Variants in CACNA1B observed in about 807,000 individuals in gnomAD.
The protein encoded by CACNA1B is calcium voltage-gated channel subunit alpha1 B.
Under a neutral mutation model 247.2 loss-of-function variants are expected in CACNA1B, and 70 were observed. The ratio of observed to expected loss-of-function variants is 0.28; its 90% CI spans 0.23 to 0.35. The LOEUF is 0.35. Ranked by LOEUF, CACNA1B falls within the 10% of genes least tolerant of loss-of-function variation. The probability of loss-of-function intolerance (pLI) is 1.00; values close to 1 mark genes in which losing one functional copy is unlikely to be tolerated. For missense variants in CACNA1B, 2,367 were observed against 3,197.4 expected (o/e 0.74, Z 6.26); for synonymous variants, 1,231 against 1,294.4 (o/e 0.95, Z 1.05).
intron 20 of CACNA1B, among the ~76,000 whole-genome samples, chr9:138,042,203 A>G (rs1389780721): frequency 6.6e-6 from 1 of 152,222 alleles, no homozygotes; most frequent in Non-Finnish European, 1.5e-5. Flanking sequence ...TAAGCCCAGC[A>G]GTTTGGGAGG....
Position 138,121,545 on chromosome 9 carries a change from A to T in CACNA1B, c.6566A>T (p.Gln2189Leu). ...ACCCCCGGCCGCGGTGGGCGGAGGC[A>T]GCTCCCCCAGACGCCCCTGACTCCC... ...ASTPGRGGRR[Q>L]LPQTPLTPRP... Residue 2189 changes from glutamine (Q) to leucine (L), a missense_variant, in exon 47 of 47, where the codon CAG becomes CTG. Physicochemically the swap from Gln to Leu is moderately radical, Grantham distance 113. Around this residue, in one of 12 missense-constraint regions of CACNA1B, gnomAD observed 773 missense variants for 779.4 expected, o/e 0.99. Transcript: ENST00000371372. This position sits in a 1 kb window ranked among gnomAD's most constrained non-coding sequence, Gnocchi z 6.8. The T allele has an allele frequency of 6.3e-7, 1 of 1,594,236 alleles. No individual in the cohort carries two copies. The highest frequency in any genetic ancestry group is 1.3e-5 in the African/African-American group (1 of 74,182).
chr9:138,092,799 T>C (rs548724208), intron 36 of CACNA1B, among the ~76,000 whole-genome samples: 1 of 152,328 alleles, frequency 6.6e-6, no homozygotes, highest in East Asian at 1.9e-4. Context: ...CTAACAAATG[T>C]CCATGAAATC....
In CACNA1B at chr9:138,102,521, A is replaced by G. The variant is rs1961286271; in HGVS notation, c.5223-190A>G. On this transcript the variant is annotated intron_variant, in intron 37 of 46. Coordinates refer to ENST00000371372, the MANE Select transcript of CACNA1B (RefSeq NM_000718.4). The surrounding 1 kb of genome is among the most constrained non-coding windows in gnomAD (Gnocchi z 5.4). ...TGGGGGGCCAGGAGGGGGTCAAGCC[A>G]AGCAGAGAAATCCCTCATTTTATTT... Among the ~76,000 whole-genome samples, 1 of 152,044 alleles carries G rather than the reference A, an allele frequency of 6.6e-6. No individual in the cohort carries two copies. Among genetic ancestry groups the G allele is most frequent in the Non-Finnish European group, 1.5e-5 (1 of 67,994 alleles).
Position 138,013,208 on chromosome 9 carries a change from T to C in CACNA1B, c.2240T>C (p.Met747Thr). The C allele has an allele frequency of 1.2e-6, 2 of 1,605,306 alleles. No individual in the cohort carries two copies. Among genetic ancestry groups the C allele is most frequent in the Non-Finnish European group, 1.7e-6 (2 of 1,176,038 alleles). Reference sequence around the variant, plus strand: ...AAAGAAGTGGCTGAAGTCAGCCCCATGTCTGCCGCGAACATCTCCATCGCC... The same window carrying C: ...AAAGAAGTGGCTGAAGTCAGCCCCACGTCTGCCGCGAACATCTCCATCGCC... ...KAKEVAEVSP[M>T]SAANISIAAR... Residue 747 changes from methionine (M) to threonine (T), a missense_variant, in exon 18 of 47, where the codon ATG (methionine) becomes ACG (threonine). Met to Thr is a moderately conservative substitution (Grantham distance 81). Transcript: ENST00000371372.
intron 1 of CACNA1B, among the ~76,000 whole-genome samples, chr9:137,878,844 C>A (rs989815340): frequency 1.3e-5 from 2 of 152,252 alleles, no homozygotes; most frequent in Admixed American, 6.5e-5. Flanking sequence ...GCGGCCCAGA[C>A]TGCGGAGGCC....
rs958438564 is a variant in CACNA1B at position 138,073,828 on chromosome 9, G to C, written c.4792-173G>C. 2.2e-4 allele frequency among the ~76,000 whole-genome samples: 33 copies of C among 152,214 alleles called. No individual in the cohort carries two copies. The highest frequency in any genetic ancestry group is 8.0e-4 in the African/African-American group (33 of 41,456). ...ACCCTGAGGTGGGTTTCATGACTCC[G>C]AGTTAGAGATAAAGAAACTGGGGCA... is the stretch of plus-strand genomic sequence containing the variant. On this transcript the variant is annotated intron_variant, in intron 33 of 46. Coordinates refer to ENST00000371372, the MANE Select transcript of CACNA1B (RefSeq NM_000718.4). The surrounding 1 kb of genome is among the most constrained non-coding windows in gnomAD (Gnocchi z 6.4).
chr9:138,043,379 G>A (rs1211467716), intron 20 of CACNA1B, among the ~76,000 whole-genome samples: 3 of 152,290 alleles, frequency 2.0e-5, no homozygotes, highest in Admixed American at 6.5e-5. Context: ...TTTGTGGATC[G>A]GGGGCTGGCC....
intron 20 of CACNA1B, among the ~76,000 whole-genome samples, chr9:138,035,588 C>CTCCCTCCTTCCCTCCT (rs1184296205): frequency 6.6e-6 from 1 of 151,748 alleles, no homozygotes; most frequent in Non-Finnish European, 1.5e-5. Flanking sequence ...CCTTCCCTCC[C>CTCCCTCCTTCCCTCCT]TCCCTCCTTC....
intron 16 of CACNA1B, among the ~76,000 whole-genome samples, chr9:138,009,410 GA>G (rs1958696424): frequency 1.3e-5 from 2 of 152,242 alleles, no homozygotes. Flanking sequence ...GCGGGAAAAG[GA>G]AATGGAAAGG....
intron 15 of CACNA1B, among the ~76,000 whole-genome samples, chr9:138,001,528 T>C (rs1241178302): frequency 2.0e-5 from 3 of 152,022 alleles, no homozygotes; most frequent in African/African-American, 7.2e-5. Flanking sequence ...TTAGAAGTAT[T>C]GTTAAAAGGA....
intron 10 of CACNA1B, among the ~76,000 whole-genome samples, chr9:137,959,570 T>C (rs1302865224): frequency 1.3e-5 from 2 of 151,832 alleles, no homozygotes; most frequent in Admixed American, 6.6e-5. Context: ...TGTGAATCTA[T>C]ATAATCCAAA....
chr9:137,907,771 C>A (rs1957314300), intron 3 of CACNA1B, among the ~76,000 whole-genome samples: 1 of 152,152 alleles, frequency 6.6e-6, no homozygotes, highest in South Asian at 2.1e-4. Context: ...AGTCATCCTT[C>A]CTTACCTCAC....
chr9:138,095,065 G>C (rs1486558924), intron 36 of CACNA1B, among the ~76,000 whole-genome samples: 1 of 152,142 alleles, frequency 6.6e-6, no homozygotes, highest in African/African-American at 2.4e-5. Context: ...TGGATTCTTA[G>C]ATTTGACACC....
In CACNA1B at chr9:138,102,222, C is replaced by T. The variant is rs1276222202; in HGVS notation, c.5223-489C>T. On this transcript the variant is annotated intron_variant, in intron 37 of 46. Coordinates refer to ENST00000371372, the MANE Select transcript of CACNA1B (RefSeq NM_000718.4). The surrounding 1 kb of genome is among the most constrained non-coding windows in gnomAD (Gnocchi z 5.4). Reference sequence around the variant, plus strand: ...TTTAGCCTCTAGCCTCACTTGGAAGCAAATCTGACCGTGAGGAAAGCTGAT... The same window carrying T: ...TTTAGCCTCTAGCCTCACTTGGAAGTAAATCTGACCGTGAGGAAAGCTGAT... Among the ~76,000 whole-genome samples, 1 of 152,190 alleles carries T rather than the reference C, an allele frequency of 6.6e-6. No homozygotes were observed. Among genetic ancestry groups the T allele is most frequent in the Non-Finnish European group, 1.5e-5 (1 of 68,038 alleles).
chr9:137,897,751 C>T (rs1046262643), intron 3 of CACNA1B, among the ~76,000 whole-genome samples: 2 of 151,840 alleles, frequency 1.3e-5, no homozygotes, highest in African/African-American at 4.8e-5. Flanking sequence ...GCGATCTCAG[C>T]TCACTGCAAC....
At position 137,917,152 on chromosome 9, in the gene CACNA1B, G is replaced by C; in HGVS notation, c.776-89G>C. On this transcript the variant is annotated intron_variant, in intron 5 of 46. Transcript: ENST00000371372. This position sits in a 1 kb window ranked among gnomAD's most constrained non-coding sequence, Gnocchi z 5.5. ...GGTGGCTGGTTCCTGCCCACCTGCT[G>C]TGAGCTCTCCAGAGCCCAGGAATCC... The C allele has an allele frequency of 8.1e-7, 1 of 1,240,882 alleles. No individual in the cohort carries two copies. Among genetic ancestry groups the C allele is most frequent in the South Asian group, 1.5e-5 (1 of 68,296 alleles). 76.9% of individuals were successfully genotyped at this position (1,240,882 alleles called of 1,614,324 possible).
intron 3 of CACNA1B, among the ~76,000 whole-genome samples, chr9:137,886,432 G>C (rs1198964699): frequency 6.6e-6 from 1 of 152,094 alleles, no homozygotes; most frequent in African/African-American, 2.4e-5. Context: ...CCTCTGCTCA[G>C]CTCTCTGGCC....
At chr9:138,034,366 G>T (rs1959018778) in intron 20 of CACNA1B, among the ~76,000 whole-genome samples, 1 of 151,972 alleles carries the variant, frequency 6.6e-6, no homozygotes, top group Non-Finnish European at 1.5e-5. Context: ...GACCACCCTA[G>T]CAGGGGCTTT....
At position 138,072,103 on chromosome 9, in the gene CACNA1B, G is replaced by T. The variant is rs890154972; in HGVS notation, c.4675-1385G>T. 6.6e-6 allele frequency among the ~76,000 whole-genome samples: 1 copy of T among 152,142 alleles called. No homozygotes were observed. The highest frequency in any genetic ancestry group is 2.4e-5 in the African/African-American group (1 of 41,428). ...TACAGGTACACTTGTGCTGCCCTCT[G>T]GGGTCACACCCTGAGGTCTACTGCT... On this transcript the variant is annotated intron_variant, in intron 32 of 46. Transcript: ENST00000371372. The surrounding 1 kb of genome is among the most constrained non-coding windows in gnomAD (Gnocchi z 4.5).
Sources: gnomAD v4.1 joint callset for allele counts (sites outside exome capture counted in the v4.1 genomes callset) on GRCh38, gnomAD v4.1.1 for gene constraint, gnomAD v4.1.1 regional missense constraint, Gnocchi (gnomAD v3.1) non-coding constraint, MANE v1.5 for transcripts, NCBI Gene and HGNC (gene_info 2026-07-23, HGNC 2026-07-21) for gene names.